The following SNX25 variants were observed in gnomAD, a reference collection of about 807,000 sequenced individuals.
SNX25 encodes the protein sorting nexin-25.
A neutral mutation model predicts 113.7 loss-of-function variants in SNX25; 62 were observed. The observed-to-expected ratio is 0.55, with a 90% confidence interval of 0.44 to 0.67. The LOEUF (loss-of-function observed/expected upper bound fraction) is 0.67, where lower values mean the gene tolerates loss of function less well. Ranked by LOEUF, SNX25 falls within the 30% of genes least tolerant of loss-of-function variation. SNX25 has a pLI of 0.00. For missense variants in SNX25, 1,014 were observed against 1,161.0 expected (o/e 0.87, Z 1.84); for synonymous variants, 421 against 436.2 (o/e 0.97, Z 0.43).
chr4:185,233,846 C>T (rs1307166590), intron 1 of SNX25, among the ~76,000 whole-genome samples: 2 of 145,252 alleles, frequency 1.4e-5, no homozygotes, highest in Admixed American at 1.5e-4. Flanking sequence ...AATGGAAAAA[C>T]AACTTAAGTG....
In SNX25 at chr4:185,272,731, A is replaced by G. The variant is rs116363070; in HGVS notation, c.1091+5576A>G. Among the ~76,000 whole-genome samples the G allele has an allele frequency of 3.9e-3, 588 of 152,310 alleles. 2 individuals are homozygous for G. The highest frequency in any genetic ancestry group is 0.013 in the African/African-American group (540 of 41,566). ...CTGTTGTATAATTCATTGCACCCTA[A>G]TTATTTGAAAACTGGTTGTACTATT... On this transcript the variant is annotated intron_variant, in intron 5 of 18. Transcript: ENST00000652585.
intron 9 of SNX25, among the ~76,000 whole-genome samples, chr4:185,326,831 C>A (rs547884296): frequency 1.3e-5 from 2 of 152,258 alleles, no homozygotes; most frequent in South Asian, 4.2e-4. Context: ...TTTTTATAGA[C>A]CCTTTTTAAC....
At position 185,258,863 on chromosome 4, in the gene SNX25, A is replaced by T. The variant is rs776668581; in HGVS notation, c.530A>T (p.Tyr177Phe). The T allele has an allele frequency of 1.2e-6, 2 of 1,613,696 alleles. No homozygotes were observed. Among genetic ancestry groups the T allele is most frequent in the Non-Finnish European group, 1.7e-6 (2 of 1,179,622 alleles). The change falls in exon 3 of 19, where the codon TAT becomes TTT. Residue 177 changes from tyrosine to phenylalanine, a missense_variant. Tyr to Phe is a conservative substitution (Grantham distance 22). Transcript: ENST00000652585. ...TTCCTGGTAGTGTTCGACTACAGTTATAGAGATTACATTCTGTCCTGGTAT... is the reference window on the plus strand; with the variant it reads ...TTCCTGGTAGTGTTCGACTACAGTTTTAGAGATTACATTCTGTCCTGGTAT... ...KALKEVFDYSYRDYILSWYGN... is the reference protein window; with the variant it reads ...KALKEVFDYSFRDYILSWYGN...
At position 185,300,538 on chromosome 4, in the gene SNX25, A is replaced by T. The variant is rs562431695; in HGVS notation, c.1163-10097A>T. Among the ~76,000 whole-genome samples, 10 of 152,048 alleles carry T rather than the reference A, an allele frequency of 6.6e-5. No homozygotes were observed. The South Asian group carries it at 8.3e-4, about 13-fold the overall frequency. ...TAGAATTTAAAGGTGTCCCTGCCTG[A>T]AAAAAGAGAGCTAGCTAATTATGGA... is the stretch of plus-strand genomic sequence containing the variant. On this transcript the variant is annotated intron_variant, in intron 6 of 18. Transcript: ENST00000652585.
chr4:185,212,869 A>G lies in SNX25; in HGVS notation c.429+2614A>G, dbSNP rs1327824035. On this transcript the variant is annotated intron_variant, in intron 1 of 18. Transcript: ENST00000652585. ...ATTCAGCGTGAAGAAGAGAATCCTC[A>G]TTTATCCTTATATATTTTGAGTTCT... Among the ~76,000 whole-genome samples the G allele has an allele frequency of 2.0e-5, 3 of 152,138 alleles. No homozygotes were observed. In the East Asian group the frequency reaches 5.8e-4, roughly 29 times the overall value.
intron 6 of SNX25, among the ~76,000 whole-genome samples, chr4:185,294,055 C>A (rs1009434157): frequency 6.6e-6 from 1 of 152,064 alleles, no homozygotes; most frequent in African/African-American, 2.4e-5. Context: ...GCCTGCTTAG[C>A]GACTCGCGGA....
At chr4:185,233,300 T>C (rs1210638226) in intron 1 of SNX25, among the ~76,000 whole-genome samples, 1 of 150,668 alleles carries the variant, frequency 6.6e-6, no homozygotes, top group Admixed American at 6.6e-5. Context: ...AAAAAAAGAA[T>C]AAATGAAGCC....
chr4:185,310,794 G>A lies in SNX25; in HGVS notation c.1322G>A (p.Gly441Glu), dbSNP rs761475724. The A allele has an allele frequency of 6.2e-7, 1 of 1,611,884 alleles. No individual in the cohort carries two copies. The part of the protein sequence containing the change: ...DQQEDGALDE[G>E]EGPQSQKILQ... Reference sequence around the variant, plus strand: ...CAAGAGGATGGGGCCCTGGATGAGGGGGAAGGGCCTCAAAGCCAGAAGGTA... The same window carrying A: ...CAAGAGGATGGGGCCCTGGATGAGGAGGAAGGGCCTCAAAGCCAGAAGGTA... The change falls in exon 7 of 19, where the codon GGG becomes GAG. Residue 441 changes from glycine (G) to glutamate (E), a missense_variant. By Grantham distance (98) the Gly-to-Glu change is moderately conservative (BLOSUM62 -2). Transcript: ENST00000652585.
intron 16 of SNX25, among the ~76,000 whole-genome samples, chr4:185,360,778 G>A (rs979268526): frequency 6.6e-6 from 1 of 152,048 alleles, no homozygotes; most frequent in African/African-American, 2.4e-5. Context: ...AATTAGCTGG[G>A]CATGGTGGCA....
At chr4:185,241,504 C>A (rs147726662) in intron 1 of SNX25, among the ~76,000 whole-genome samples, 1 of 15,404 alleles carries the variant, frequency 6.5e-5, no homozygotes, top group Admixed American at 1.2e-3. Context: ...AGAGGGAGAC[C>A]GTGGGGAGAG....
At chr4:185,224,911 A>G (rs957611714) in intron 1 of SNX25, among the ~76,000 whole-genome samples, 1 of 151,496 alleles carries the variant, frequency 6.6e-6, no homozygotes, top group African/African-American at 2.4e-5. Context: ...GGAATTAACC[A>G]TTTCTCCAAG....
chr4:185,268,774 A>G (rs1057219420), intron 5 of SNX25, among the ~76,000 whole-genome samples: 5 of 152,240 alleles, frequency 3.3e-5, no homozygotes, highest in African/African-American at 1.2e-4. Flanking sequence ...GTTCTTATAC[A>G]TGGTGTCATG....
intron 1 of SNX25, among the ~76,000 whole-genome samples, chr4:185,247,037 C>T (rs1744957456): frequency 6.6e-6 from 1 of 152,052 alleles, no homozygotes; most frequent in Non-Finnish European, 1.5e-5. Flanking sequence ...TTGTTTACTC[C>T]CTACCATTGT....
intron 1 of SNX25, among the ~76,000 whole-genome samples, chr4:185,216,093 G>A (rs572471389): frequency 3.9e-5 from 6 of 152,068 alleles, no homozygotes; most frequent in Non-Finnish European, 5.9e-5. Context: ...CATCTTGCCT[G>A]ACTTAAATTC....
chr4:185,293,533 T>C (rs1752453126), intron 6 of SNX25, among the ~76,000 whole-genome samples: 1 of 152,234 alleles, frequency 6.6e-6, no homozygotes, highest in Non-Finnish European at 1.5e-5. Context: ...ATATGAAATG[T>C]CCAGAATAGG....
At chr4:185,294,368 C>G (rs1043541808) in intron 6 of SNX25, among the ~76,000 whole-genome samples, 1 of 152,094 alleles carries the variant, frequency 6.6e-6, no homozygotes, top group South Asian at 2.1e-4. Context: ...GGAATCCGCA[C>G]AAGTCATTTT....
chr4:185,313,935 G>GA (rs2095050299), intron 7 of SNX25, among the ~76,000 whole-genome samples: 1 of 152,106 alleles, frequency 6.6e-6, no homozygotes, highest in Non-Finnish European at 1.5e-5. Flanking sequence ...AAATCATAAG[G>GA]AAGAGAAAAT....
chr4:185,210,238 G>T lies in SNX25; in HGVS notation c.412G>T (p.Ala138Ser). 1.0e-6 allele frequency: 1 copy of T among 984,872 alleles called. No homozygotes were observed. Among genetic ancestry groups the T allele is most frequent in the Non-Finnish European group, 1.2e-6 (1 of 830,042 alleles). The allele number at this position is 984,872 out of a possible 1,614,324, so 61.0% of individuals were successfully genotyped here. Residue 138 changes from alanine to serine, a missense_variant, in exon 1 of 19, where the codon GCC becomes TCC. Ala to Ser is a moderately conservative substitution (Grantham distance 99). Transcript: ENST00000652585. This position sits in a 1 kb window ranked among gnomAD's most constrained non-coding sequence, Gnocchi z 4.4. ...AWSRLAATSA[A>S]RRPPGSPVYG... is the part of the protein sequence containing the mutation. Reference sequence around the variant, plus strand: ...GAGCCGGCTGGCCGCGACCTCAGCCGCCCGCCGCCCGCCGGGGGTAAGTAC... The same window carrying T: ...GAGCCGGCTGGCCGCGACCTCAGCCTCCCGCCGCCCGCCGGGGGTAAGTAC...
chr4:185,301,472 A>G (rs1291894512), intron 6 of SNX25, among the ~76,000 whole-genome samples: 2 of 151,802 alleles, frequency 1.3e-5, no homozygotes, highest in Admixed American at 6.6e-5. Context: ...ACTCACTGCA[A>G]CCTCTGCCAC....
Sources: gnomAD v4.1 joint callset for allele counts (sites outside exome capture counted in the v4.1 genomes callset) on GRCh38, gnomAD v4.1.1 for gene constraint, Gnocchi (gnomAD v3.1) non-coding constraint, MANE v1.5 for transcripts, NCBI Gene and HGNC (gene_info 2026-07-23, HGNC 2026-07-21) for gene names.